The following SUSD2 variants were observed in gnomAD, a reference collection of about 807,000 sequenced individuals.
SUSD2 encodes sushi domain-containing protein 2.
Under a neutral mutation model 93.8 loss-of-function variants are expected in SUSD2, and 86 were observed. The ratio of observed to expected loss-of-function variants is 0.92; its 90% confidence interval spans 0.77 to 1.10. The LOEUF (loss-of-function observed/expected upper bound fraction) is 1.10. Ranked by LOEUF, SUSD2 falls within the 50% of genes least tolerant of loss-of-function variation. The probability of loss-of-function intolerance (pLI) is 0.00; values close to 1 mark genes in which losing one functional copy is unlikely to be tolerated. For missense variants in SUSD2, 1,060 were observed against 1,137.0 expected (o/e 0.93, Z 0.97); for synonymous variants, 483 against 485.0 (o/e 1.00, Z 0.05).
At position 24,185,794 on chromosome 22, in the gene SUSD2, C is replaced by T. The variant is rs781720720; in HGVS notation, c.1204C>T (p.Arg402Ter). The T allele has an allele frequency of 3.4e-5, 55 of 1,610,314 alleles. No homozygotes were observed. The highest frequency in any genetic ancestry group is 4.3e-5 in the Non-Finnish European group (51 of 1,178,834). ...CGCACCCCCGTTCCGCACGCCACCC[C>T]GAGTGCCCAGCATGTCCCACTGGCT... ...WGAPPFRTPP[R>*]VPSMSHWLYD... Residue 402 changes from arginine (R) to a stop codon, truncating the protein, a stop_gained, in exon 8 of 15, where the codon CGA (arginine) becomes TGA (stop). Coordinates refer to ENST00000358321, the MANE Select transcript of SUSD2 (RefSeq NM_019601.4). LOFTEE classifies it high-confidence loss of function.
Position 24,188,923 on chromosome 22 carries a change from G to A in SUSD2, c.*487G>A, listed in dbSNP as rs1229822290. On this transcript the variant is annotated 3_prime_UTR_variant, in exon 15 of 15. Transcript: ENST00000358321. The surrounding 1 kb of genome is among the most constrained non-coding windows in gnomAD (Gnocchi z 4.7). ...TGCTGCCTTGGTTCCTGGACCCCTG[G>A]GCCCATCCTGGGACCCCAGATGGGG... is the stretch of plus-strand genomic sequence containing the variant. 1 of 153,996 alleles carries A rather than the reference G, an allele frequency of 6.5e-6. No individual in the cohort carries two copies. The highest frequency in any genetic ancestry group is 1.9e-4 in the East Asian group (1 of 5,194). The allele number at this position is 153,996 out of a possible 1,614,324, so 9.5% of individuals were successfully genotyped here.
intron 11 of SUSD2, 30 bp downstream of exon 11, chr22:24,187,480 C>A (rs375153526): frequency 5.0e-6 from 8 of 1,608,816 alleles, no homozygotes; most frequent in Non-Finnish European, 6.8e-6. Flanking sequence ...ATGGGGCAGA[C>A]GGGGTGGGGG....
In SUSD2 at chr22:24,188,395, C is replaced by T. The variant is rs749370491; in HGVS notation, c.2445-17C>T. On this transcript the variant is annotated splice_polypyrimidine_tract_variant and intron_variant, in intron 14 of 14. Coordinates refer to ENST00000358321, the MANE Select transcript of SUSD2 (RefSeq NM_019601.4). The surrounding 1 kb of genome is among the most constrained non-coding windows in gnomAD (Gnocchi z 4.7). ...GTGGGACCACCGAGGCTACTTCTAACTGCGTTTCTGTTGCAGGCACGTCTG... is the reference window on the plus strand; with the variant it reads ...GTGGGACCACCGAGGCTACTTCTAATTGCGTTTCTGTTGCAGGCACGTCTG... The T allele has an allele frequency of 3.1e-6, 5 of 1,611,784 alleles. No individual in the cohort carries two copies. The highest frequency in any genetic ancestry group is 1.1e-5 in the South Asian group (1 of 91,070).
chr22:24,186,538 T>G (rs1208033025), intron 10 of SUSD2, 123 bp downstream of exon 10: 1 of 1,251,506 alleles, frequency 8.0e-7, no homozygotes, highest in Non-Finnish European at 1.1e-6. Flanking sequence ...GCCTGGGTGG[T>G]CCGACCTCAG....
Position 24,186,427 on chromosome 22 carries a change from A to G in SUSD2, c.1642+12A>G. ...GATGGACCTGAAAGGTGAGCAGTCC[A>G]GCCACGCGAGGCTGCGGGCTGCCCT... On this transcript the variant is annotated intron_variant, in intron 10 of 14. Coordinates refer to ENST00000358321, the MANE Select transcript of SUSD2 (RefSeq NM_019601.4). 12 of 1,612,100 alleles carry G rather than the reference A, an allele frequency of 7.4e-6. No homozygotes were observed. The highest frequency in any genetic ancestry group is 9.3e-6 in the Non-Finnish European group (11 of 1,179,608).
rs1033830799 is a variant in SUSD2, at chr22:24,187,021, C to A, written c.1643-181C>A. 1.9e-5 allele frequency: 14 copies of A among 735,512 alleles called. 1 individual carries two copies. The East Asian group carries it at 3.0e-4, about 16-fold the overall frequency. The allele number at this position is 735,512 out of a possible 1,614,324, so 45.6% of individuals were successfully genotyped here. On this transcript the variant is annotated intron_variant, in intron 10 of 14. Coordinates refer to ENST00000358321, the MANE Select transcript of SUSD2 (RefSeq NM_019601.4). ...CCTCAGGTGCCGCTGGGAGTTCCAC[C>A]GCAAGCATGGCAGGGGTGGCGGAGG...
chr22:24,181,923 A>C (rs1368997239), intron 1 of SUSD2, among the ~76,000 whole-genome samples: 1 of 152,182 alleles, frequency 6.6e-6, no homozygotes, highest in Non-Finnish European at 1.5e-5. Context: ...GGTGGGGCTG[A>C]ATCCAGGAAA....
chr22:24,188,813 A>C lies in SUSD2; in HGVS notation c.*377A>C. 1.4e-5 allele frequency: 3 copies of C among 209,240 alleles called. No individual in the cohort carries two copies. The highest frequency in any genetic ancestry group is 1.7e-4 in the South Asian group (2 of 11,952). 13.0% of individuals were successfully genotyped at this position (209,240 alleles called of 1,614,324 possible). ...TGACCCCTGAGCCTCAGATTCCAAT[A>C]CCTCACTCCCCAGAGCCTGATGCCG... On this transcript the variant is annotated 3_prime_UTR_variant, in exon 15 of 15. Transcript: ENST00000358321. The surrounding 1 kb of genome is among the most constrained non-coding windows in gnomAD (Gnocchi z 4.7).
In SUSD2 at chr22:24,188,117, A is replaced by AC; in HGVS notation, c.2327dup (p.Lys777GlufsTer54). ...GGCTGACGGCACCTGGTCCTCACCC[A>AC]CCCCGAAGTGCCAGCCAGGTGAGGA... On this transcript the variant is annotated frameshift_variant, in exon 13 of 15. Coordinates refer to ENST00000358321, the MANE Select transcript of SUSD2 (RefSeq NM_019601.4). LOFTEE classifies it high-confidence loss of function. The surrounding 1 kb of genome is among the most constrained non-coding windows in gnomAD (Gnocchi z 4.7). 6.2e-7 allele frequency: 1 copy of AC among 1,612,276 alleles called. No individual in the cohort carries two copies. Among genetic ancestry groups the AC allele is most frequent in the East Asian group, 2.2e-5 (1 of 44,838 alleles).
At position 24,183,573 on chromosome 22, in the gene SUSD2, G is replaced by C. The variant is rs866366331; in HGVS notation, c.366G>C (p.Glu122Asp). 1.2e-6 allele frequency: 2 copies of C among 1,613,300 alleles called. No individual in the cohort carries two copies. Among genetic ancestry groups the C allele is most frequent in the Non-Finnish European group, 1.7e-6 (2 of 1,180,006 alleles). The change falls in exon 3 of 15, where the codon GAG becomes GAC. Residue 122 changes from glutamate to aspartate, a missense_variant. Physicochemically the swap from Glu to Asp is conservative, Grantham distance 45. Coordinates refer to ENST00000358321, the MANE Select transcript of SUSD2 (RefSeq NM_019601.4). ...ACTGTGTGTCACCTCTGCTCTATGAGAGCGGCCGCATCCCCTTCACTGTGT... is the reference window on the plus strand; with the variant it reads ...ACTGTGTGTCACCTCTGCTCTATGACAGCGGCCGCATCCCCTTCACTGTGT... ...QVHCVSPLLY[E>D]SGRIPFTVSL...
intron 6 of SUSD2, 26 bp from the exon 7 acceptor site, chr22:24,185,460 G>T: frequency 6.4e-7 from 1 of 1,552,902 alleles, no homozygotes; most frequent in South Asian, 1.2e-5. Flanking sequence ...GAGGCCACTG[G>T]GTGACAGCCA....
chr22:24,187,592 C>T lies in SUSD2; in HGVS notation c.1913C>T (p.Ser638Phe), dbSNP rs771509280. Residue 638 changes from serine (S) to phenylalanine (F), a missense_variant, in exon 12 of 15, where the codon TCC (serine) becomes TTC (phenylalanine). Around this residue, in one of 2 missense-constraint regions of SUSD2, gnomAD observed 973 missense variants for 1,005.3 expected, o/e 0.97. Transcript: ENST00000358321. ...CCAGGGACCGTGCACAATGCGTCCT[C>T]CCTGCTCACCTACGATTCCTGGTTC... The part of the protein sequence containing the change: ...GANWTVHNAS[S>F]LLTYDSWFLV... 2 of 1,613,298 alleles carry T rather than the reference C, an allele frequency of 1.2e-6. No individual in the cohort carries two copies. The highest frequency in any genetic ancestry group is 1.7e-6 in the Non-Finnish European group (2 of 1,179,462).
At position 24,185,115 on chromosome 22, in the gene SUSD2, C is replaced by A; in HGVS notation, c.804C>A (p.Thr268=). Residue 268 remains threonine, a synonymous_variant, in exon 6 of 15, where the codon ACC becomes ACA. Coordinates refer to ENST00000358321, the MANE Select transcript of SUSD2 (RefSeq NM_019601.4). ...AGQKDVQALW[T]NDHALAWHLS... is the part of the protein sequence containing the mutation. ...ACAGGGACGTGCAGGCGCTCTGGAC[C>A]AACGACCACGCACTGGCCTGGCACC... The A allele has an allele frequency of 6.2e-7, 1 of 1,612,958 alleles. No individual in the cohort carries two copies. The highest frequency in any genetic ancestry group is 8.5e-7 in the Non-Finnish European group (1 of 1,179,850).
intron 10 of SUSD2, 140 bp downstream of exon 10, chr22:24,186,555 A>G: frequency 1.9e-6 from 2 of 1,035,984 alleles, no homozygotes; most frequent in Non-Finnish European, 2.8e-6. Context: ...TCAGGCCTTC[A>G]CACCCACCGA....
Position 24,182,981 on chromosome 22 carries a change from A to G in SUSD2, c.77-76A>G, listed in dbSNP as rs60151634. 4.3e-3 allele frequency: 5,648 copies of G among 1,304,036 alleles called. 201 individuals carry two copies. The African/African-American group carries it at 0.072, about 17-fold the overall frequency. 80.8% of individuals were successfully genotyped at this position (1,304,036 alleles called of 1,614,324 possible). A position where few individuals can be genotyped will look rare whatever the true frequency, so the allele number is the denominator to read the frequency against. On this transcript the variant is annotated intron_variant, in intron 1 of 14. Coordinates refer to ENST00000358321, the MANE Select transcript of SUSD2 (RefSeq NM_019601.4). ...CTGCTGTCTAATGGGCTGTGGGAGAAACAGAGACAGGCCCTGCACATGGGG... is the reference window on the plus strand; with the variant it reads ...CTGCTGTCTAATGGGCTGTGGGAGAGACAGAGACAGGCCCTGCACATGGGG...
chr22:24,184,566 CCCAGCTT>C (rs1394912692), intron 4 of SUSD2, among the ~76,000 whole-genome samples, 193 bp from the exon 5 acceptor site: 1 of 152,026 alleles, frequency 6.6e-6, no homozygotes, highest in Non-Finnish European at 1.5e-5. Context: ...TGGCCCTGGG[CCCAGCTT>C]CCAGCAGGGA....
At position 24,187,737 on chromosome 22, in the gene SUSD2, TC is replaced by T. The variant is rs769779681; in HGVS notation, c.2059del (p.His687IlefsTer13). On this transcript the variant is annotated frameshift_variant, in exon 12 of 15. Transcript: ENST00000358321. LOFTEE classifies it high-confidence loss of function. ...QEAAKLCGDD[H>X]FCNFDVAATG... Reference sequence around the variant, plus strand: ...AGGCAGCCAAACTATGTGGGGACGATCATTTCTGCAACTTTGATGTGGCAGC... The same window carrying T: ...AGGCAGCCAAACTATGTGGGGACGATATTTCTGCAACTTTGATGTGGCAGC... The T allele has an allele frequency of 3.4e-5, 55 of 1,613,828 alleles. 1 individual carries two copies. The South Asian group carries it at 5.9e-4, about 17-fold the overall frequency.
In SUSD2 at chr22:24,184,863, A is replaced by C; in HGVS notation, c.705A>C (p.Lys235Asn). ...PNSGSFTFTPKPAPPSYQRWR... is the reference protein window; with the variant it reads ...PNSGSFTFTPNPAPPSYQRWR... ...CCGGCTCTTTCACTTTCACCCCAAA[A>C]CCTGCTCCTCCCAGCTACCAGAGAT... is the stretch of plus-strand genomic sequence containing the variant. Residue 235 changes from lysine (K) to asparagine (N), a missense_variant, in exon 5 of 15, where the codon AAA (lysine) becomes AAC (asparagine). By Grantham distance (94) the Lys-to-Asn change is moderately conservative. This residue lies in a region of SUSD2 where 973 missense variants were observed against 1,005.3 expected (regional missense o/e 0.97). Transcript: ENST00000358321. 1 of 1,613,828 alleles carries C rather than the reference A, an allele frequency of 6.2e-7. No individual in the cohort carries two copies. Among genetic ancestry groups the C allele is most frequent in the Non-Finnish European group, 8.5e-7 (1 of 1,179,922 alleles).
In SUSD2 at chr22:24,188,196, C is replaced by T. The variant is rs1278398295; in HGVS notation, c.2342-29C>T. 6.3e-7 allele frequency: 1 copy of T among 1,590,186 alleles called. No homozygotes were observed. The highest frequency in any genetic ancestry group is 1.1e-5 in the South Asian group (1 of 88,454). On this transcript the variant is annotated intron_variant, in intron 13 of 14. Coordinates refer to ENST00000358321, the MANE Select transcript of SUSD2 (RefSeq NM_019601.4). This position sits in a 1 kb window ranked among gnomAD's most constrained non-coding sequence, Gnocchi z 4.7. ...GTCCCCACTCACCACCCCAGAGAGC[C>T]CCCTCACTGACACTCGCTCCCTCAC...
Sources: allele counts gnomAD v4.1 joint callset (sites outside exome capture counted in the v4.1 genomes callset), GRCh38; gene constraint gnomAD v4.1.1; regional missense constraint gnomAD v4.1.1; non-coding constraint Gnocchi (gnomAD v3.1); transcripts MANE v1.5; gene names NCBI Gene and HGNC (gene_info 2026-07-23, HGNC 2026-07-21).